The following PCDHA13 variants were observed in gnomAD, a reference collection of about 807,000 sequenced individuals.
PCDHA13 encodes protocadherin alpha-13.
PCDHA13 carries 54 observed loss-of-function variants against 64.8 expected under a neutral mutation model. The ratio of observed to expected loss-of-function variants is 0.83; its 90% CI spans 0.67 to 1.04. The LOEUF is 1.04. Ranked by LOEUF, PCDHA13 falls within the 50% of genes least tolerant of loss-of-function variation. The pLI, the probability that PCDHA13 is intolerant of heterozygous loss-of-function variation, is 0.00. For missense variants in PCDHA13, 1,248 were observed against 1,254.3 expected, an observed-to-expected ratio of 0.99 and a Z score of 0.08; for synonymous variants, 587 against 564.4, an observed-to-expected ratio of 1.04 and a Z score of -0.57.
intron 1 of PCDHA13, among the ~76,000 whole-genome samples, chr5:140,900,300 A>G (rs1554189024): frequency 6.6e-6 from 1 of 151,644 alleles, no homozygotes; most frequent in Non-Finnish European, 1.5e-5. Flanking sequence ...GTTTTTTTAG[A>G]CAGTCTCACT....
intron 1 of PCDHA13, chr5:140,966,731 G>A: frequency 7.1e-7 from 1 of 1,405,136 alleles, no homozygotes; most frequent in Non-Finnish European, 9.2e-7. Context: ...TGCCGCCTCC[G>A]GCCCTGCCCG....
chr5:140,966,707 A>C, intron 1 of PCDHA13: 1 of 1,379,868 alleles, frequency 7.2e-7, no homozygotes, highest in Non-Finnish European at 9.3e-7. Context: ...GGCGTGGGGC[A>C]CGGCTGGGGA....
At chr5:140,885,297 T>G (rs565705321) in intron 1 of PCDHA13, among the ~76,000 whole-genome samples, 30 of 152,302 alleles carry the variant, frequency 2.0e-4, no homozygotes, top group Admixed American at 5.9e-4. Context: ...GAGAGAGACC[T>G]GGTAGGCTTT....
intron 3 of PCDHA13, 123 bp from the exon 4 acceptor site, chr5:141,009,504 A>G: frequency 1.3e-6 from 2 of 1,497,074 alleles, no homozygotes; most frequent in Non-Finnish European, 1.8e-6. Flanking sequence ...ACTTGAACAA[A>G]CAACTCGTGA....
At chr5:140,923,528 CA>C (rs1240707958) in intron 1 of PCDHA13, among the ~76,000 whole-genome samples, 1 of 151,622 alleles carries the variant, frequency 6.6e-6, no homozygotes, top group Non-Finnish European at 1.5e-5. Context: ...GATTCTGTCC[CA>C]AAAAAAGGAC....
At chr5:141,000,421 A>ATTTTTTTTT (rs34755515) in intron 3 of PCDHA13, among the ~76,000 whole-genome samples, 3 of 27,980 alleles carry the variant, frequency 1.1e-4, no homozygotes, top group African/African-American at 1.8e-4. Flanking sequence ...ATATATATAT[A>ATTTTTTTTT]TTTTTTTTTT....
intron 1 of PCDHA13, among the ~76,000 whole-genome samples, chr5:140,973,010 T>C (rs2096567986): frequency 6.6e-6 from 1 of 152,080 alleles, no homozygotes; most frequent in Admixed American, 6.6e-5. Context: ...GGTCGTGGTG[T>C]TGTGATTGTT....
intron 1 of PCDHA13, among the ~76,000 whole-genome samples, chr5:140,893,581 T>C (rs1224207477): frequency 1.3e-5 from 2 of 152,216 alleles, no homozygotes; most frequent in African/African-American, 4.8e-5. Context: ...TTTTTGCTTG[T>C]TTGGGAAATA....
chr5:140,922,085 AT>A (rs1453055437), intron 1 of PCDHA13, among the ~76,000 whole-genome samples: 1 of 152,194 alleles, frequency 6.6e-6, no homozygotes, highest in Non-Finnish European at 1.5e-5. Context: ...AAAAAGTGGT[AT>A]TTCTACCAAC....
intron 1 of PCDHA13, among the ~76,000 whole-genome samples, chr5:140,892,286 C>A (rs2063458721): frequency 1.3e-5 from 2 of 152,136 alleles, no homozygotes; most frequent in South Asian, 4.1e-4. Flanking sequence ...TTAAACACTT[C>A]TTCCTGGAAA....
chr5:140,944,316 T>G (rs140163712), intron 1 of PCDHA13, among the ~76,000 whole-genome samples: 1 of 151,958 alleles, frequency 6.6e-6, no homozygotes, highest in Non-Finnish European at 1.5e-5. Context: ...GCCTCCTGAG[T>G]AGCTGGGATT....
intron 1 of PCDHA13, among the ~76,000 whole-genome samples, chr5:140,964,472 T>C (rs1160731930): frequency 6.6e-6 from 1 of 152,074 alleles, no homozygotes; most frequent in Non-Finnish European, 1.5e-5. Context: ...GTGCCTATGA[T>C]TTTTTCACAG....
intron 1 of PCDHA13, among the ~76,000 whole-genome samples, chr5:140,925,394 C>T (rs782536310): frequency 1.3e-5 from 2 of 151,950 alleles, no homozygotes; most frequent in East Asian, 1.9e-4. Context: ...CCTTTTGGCT[C>T]GCCTCCTTCT....
At chr5:140,983,437 A>C (rs1046174445) in intron 3 of PCDHA13, among the ~76,000 whole-genome samples, 1 of 152,202 alleles carries the variant, frequency 6.6e-6, no homozygotes, top group African/African-American at 2.4e-5. Flanking sequence ...AATTGTGTCT[A>C]CTCTAATCCT....
intron 3 of PCDHA13, among the ~76,000 whole-genome samples, chr5:140,999,367 C>T (rs1229497053): frequency 4.6e-5 from 7 of 152,100 alleles, no homozygotes; most frequent in African/African-American, 1.7e-4. Flanking sequence ...TTCACAATCC[C>T]ATTAGATGGT....
At chr5:140,928,240 C>G (rs1174659124) in intron 1 of PCDHA13, 1 of 1,614,108 alleles carries the variant, frequency 6.2e-7, no homozygotes, top group Non-Finnish European at 8.5e-7. Flanking sequence ...TCAACCCCAG[C>G]AGGAACTTTT....
chr5:141,010,341 T>G lies in PCDHA13; in HGVS notation c.*404T>G, dbSNP rs199826290. The stretch of plus-strand genomic sequence containing the variant: ...GAGCAGCTTGGGAGTTTGTGGCCAC[T>G]GGGTATGTGTGGCTACCGCGGGTAT... On this transcript the variant is annotated 3_prime_UTR_variant, in exon 4 of 4. Transcript: ENST00000289272. The G allele has an allele frequency of 4.0e-6, 6 of 1,503,220 alleles. No individual in the cohort carries two copies. Among genetic ancestry groups the G allele is most frequent in the Non-Finnish European group, 4.5e-6 (5 of 1,119,592 alleles). The allele number at this position is 1,503,220 out of a possible 1,614,324, so 93.1% of individuals were successfully genotyped here.
In PCDHA13 at chr5:140,917,874, C is replaced by A. The variant is rs1240832097; in HGVS notation, c.2394+33212C>A. Among the ~76,000 whole-genome samples, 13 of 151,108 alleles carry A rather than the reference C, an allele frequency of 8.6e-5. No individual in the cohort carries two copies. In the East Asian group the frequency reaches 2.5e-3, roughly 29 times the overall value. ...CTTAGGATTGCTTTGACTATTTGGG[C>A]TCTTTTTTTTTTCCATATGAATGTT... On this transcript the variant is annotated intron_variant, in intron 1 of 3. Transcript: ENST00000289272.
At chr5:140,975,439 T>C (rs1376325988) in intron 1 of PCDHA13, among the ~76,000 whole-genome samples, 2 of 152,222 alleles carry the variant, frequency 1.3e-5, no homozygotes, top group Non-Finnish European at 2.9e-5. Context: ...CACCAGGATA[T>C]AGGGATCTTG....
Sources: allele counts gnomAD v4.1 joint callset (sites outside exome capture counted in the v4.1 genomes callset), GRCh38; gene constraint gnomAD v4.1.1; transcripts MANE v1.5; gene names NCBI Gene and HGNC (gene_info 2026-07-23, HGNC 2026-07-21).